Variants in VWA8 observed in about 807,000 individuals in gnomAD.
VWA8 encodes von Willebrand factor A domain containing 8.
Under a neutral mutation model 241.5 loss-of-function variants are expected in VWA8, and 221 were observed. That is an observed-to-expected ratio of 0.91 (90% confidence interval 0.82 to 1.02). The LOEUF is 1.02. Ranked by LOEUF, VWA8 falls within the 50% of genes least tolerant of loss-of-function variation. VWA8 has a pLI of 0.00. For missense variants in VWA8, 2,322 were observed against 2,328.7 expected, an observed-to-expected ratio of 1.00 and a Z score of 0.06; for synonymous variants, 852 against 827.1, an observed-to-expected ratio of 1.03 and a Z score of -0.52.
intron 40 of VWA8, among the ~76,000 whole-genome samples, chr13:41,596,574 A>G (rs1235156578): frequency 6.6e-6 from 1 of 152,058 alleles, no homozygotes; most frequent in Admixed American, 6.6e-5. Flanking sequence ...AAATATGTCC[A>G]TCTGTTTTGT....
chr13:41,608,497 G>A (rs2044566930), intron 39 of VWA8, among the ~76,000 whole-genome samples: 1 of 152,136 alleles, frequency 6.6e-6, no homozygotes, highest in African/African-American at 2.4e-5. Flanking sequence ...ACTGCATTTT[G>A]TTGGCACAGT....
At chr13:41,907,847 A>T in intron 3 of VWA8, 151 bp from the exon 4 acceptor site, 1 of 636,472 alleles carries the variant, frequency 1.6e-6, no homozygotes, top group Non-Finnish European at 2.7e-6. Context: ...AGTTTGAGAA[A>T]AAAGAAATAA....
intron 21 of VWA8, among the ~76,000 whole-genome samples, chr13:41,739,979 C>T (rs570405978): frequency 2.8e-4 from 42 of 151,416 alleles, no homozygotes; most frequent in African/African-American, 6.8e-4. Context: ...CTCAGCCTCC[C>T]GAGTTGCTGG....
chr13:41,837,211 C>A (rs1287580528), intron 12 of VWA8, among the ~76,000 whole-genome samples: 2 of 152,098 alleles, frequency 1.3e-5, no homozygotes, highest in African/African-American at 4.8e-5. Context: ...TGAGCCACTG[C>A]CAATTTCTAA....
chr13:41,829,824 A>T (rs1871351589), intron 14 of VWA8, among the ~76,000 whole-genome samples: 1 of 152,294 alleles, frequency 6.6e-6, no homozygotes, highest in South Asian at 2.1e-4. Flanking sequence ...AAAAGACTAC[A>T]TATCAGGTAC....
At chr13:41,817,455 CA>C (rs1376513762) in intron 15 of VWA8, among the ~76,000 whole-genome samples, 7 of 151,822 alleles carry the variant, frequency 4.6e-5, no homozygotes, top group African/African-American at 1.5e-4. Flanking sequence ...TTTAAAAGAT[CA>C]AAAAAAGATA....
chr13:41,955,643 T>C (rs1566051493), intron 1 of VWA8, among the ~76,000 whole-genome samples: 1 of 152,244 alleles, frequency 6.6e-6, no homozygotes, highest in African/African-American at 2.4e-5. Flanking sequence ...TCAGTGAATC[T>C]GTCAAAATTG....
At chr13:41,950,691 C>T (rs1466537766) in intron 1 of VWA8, among the ~76,000 whole-genome samples, 8 of 97,882 alleles carry the variant, frequency 8.2e-5, no homozygotes, top group East Asian at 3.2e-4. Flanking sequence ...TTTTTTAAGA[C>T]GGACTCTTAT....
chr13:41,698,936 T>C, intron 29 of VWA8, 135 bp downstream of exon 29: 2 of 1,146,102 alleles, frequency 1.7e-6, no homozygotes, highest in Non-Finnish European at 2.5e-6. Context: ...ACTGATAAAA[T>C]GCAACTCCTG....
At chr13:41,864,803 A>G (rs1256357332) in intron 12 of VWA8, among the ~76,000 whole-genome samples, 1 of 152,134 alleles carries the variant, frequency 6.6e-6, no homozygotes, top group Non-Finnish European at 1.5e-5. Context: ...TGAATTGTAC[A>G]TGGCGAAACC....
At chr13:41,758,754 A>C (rs2045718251) in intron 21 of VWA8, among the ~76,000 whole-genome samples, 1 of 151,078 alleles carries the variant, frequency 6.6e-6, no homozygotes, top group Admixed American at 6.6e-5. Context: ...TCTCCTAATC[A>C]TGAGAAAAAT....
chr13:41,939,527 C>G (rs1877502980), intron 2 of VWA8, among the ~76,000 whole-genome samples: 1 of 152,032 alleles, frequency 6.6e-6, no homozygotes, highest in African/African-American at 2.4e-5. Flanking sequence ...CTATGATGTG[C>G]CAGATGCTAG....
intron 4 of VWA8, among the ~76,000 whole-genome samples, chr13:41,897,443 ACT>A (rs888586175): frequency 6.6e-6 from 1 of 152,094 alleles, no homozygotes; most frequent in Non-Finnish European, 1.5e-5. Flanking sequence ...AGTTTTACAC[ACT>A]GTTGATGGAA....
chr13:41,579,531 A>G (rs1231109228), intron 42 of VWA8, among the ~76,000 whole-genome samples: 2 of 152,246 alleles, frequency 1.3e-5, no homozygotes, highest in African/African-American at 4.8e-5. Context: ...CTTGTAAACA[A>G]TGATGGCTTA....
chr13:41,729,288 G>A (rs978912477), intron 23 of VWA8, among the ~76,000 whole-genome samples: 3 of 151,918 alleles, frequency 2.0e-5, no homozygotes, highest in African/African-American at 7.3e-5. Context: ...GTATGTCAGA[G>A]TAGAAAAATA....
chr13:41,597,481 T>C (rs1320927665), intron 40 of VWA8, among the ~76,000 whole-genome samples: 1 of 152,150 alleles, frequency 6.6e-6, no homozygotes, highest in African/African-American at 2.4e-5. Context: ...AAGGGATTCA[T>C]GTTTCTTGAA....
At chr13:41,692,784 T>G in intron 30 of VWA8, 78 bp downstream of exon 30, 1 of 1,113,006 alleles carries the variant, frequency 9.0e-7, no homozygotes, top group Non-Finnish European at 1.3e-6. Flanking sequence ...CTTAAAGGGA[T>G]GGGCATGCAT....
chr13:41,755,576 T>C (rs972819584), intron 21 of VWA8, among the ~76,000 whole-genome samples: 3 of 151,974 alleles, frequency 2.0e-5, no homozygotes, highest in Admixed American at 6.6e-5. Context: ...AGAATTACTA[T>C]AGAATATAAA....
chr13:41,830,399 T>C, intron 14 of VWA8, 130 bp downstream of exon 14: 1 of 688,724 alleles, frequency 1.5e-6, no homozygotes, highest in Non-Finnish European at 2.3e-6. Context: ...AGTAGTGGCA[T>C]ATCCAGGACA....
Sources: gnomAD v4.1 joint callset for allele counts (sites outside exome capture counted in the v4.1 genomes callset) on GRCh38, gnomAD v4.1.1 for gene constraint, MANE v1.5 for transcripts, NCBI Gene and HGNC (gene_info 2026-07-23, HGNC 2026-07-21) for gene names.